The following BMP2K variants were observed in gnomAD, a reference collection of about 807,000 sequenced individuals.
BMP2K encodes BMP2 inducible kinase, also known as BMP-2-inducible protein kinase.
A neutral mutation model predicts 116.0 loss-of-function variants in BMP2K; 74 were observed. That is an observed-to-expected ratio of 0.64 (90% CI 0.53 to 0.77). The LOEUF is 0.77. Among genes scored for constraint, BMP2K ranks in the 30% least tolerant of loss-of-function variants. The pLI, the probability that BMP2K is intolerant of heterozygous loss-of-function variation, is 0.00. For synonymous variants in BMP2K, 486 were observed against 502.5 expected, an observed-to-expected ratio of 0.97 and a Z score of 0.44; for missense variants, 1,365 against 1,403.6, an observed-to-expected ratio of 0.97 and a Z score of 0.44.
chr4:78,828,833 G>A (rs1730008965), intron 2 of BMP2K, among the ~76,000 whole-genome samples: 1 of 152,232 alleles, frequency 6.6e-6, no homozygotes, highest in African/African-American at 2.4e-5. Context: ...CAGTCTTGTT[G>A]CTGGTAGAGG....
chr4:78,844,953 G>A lies in BMP2K; in HGVS notation c.572G>A (p.Gly191Asp). ...LKVENILLND[G>D]GNYVLCDFGS... Reference sequence around the variant, plus strand: ...GTAGAAAATATTTTGTTGAATGATGGTGGGAACTATGTACTTTGTGACTTT... The same window carrying A: ...GTAGAAAATATTTTGTTGAATGATGATGGGAACTATGTACTTTGTGACTTT... The change falls in exon 5 of 16, where the codon GGT becomes GAT. Residue 191 changes from glycine (G) to aspartate (D), a missense_variant. Physicochemically the swap from Gly to Asp is moderately conservative, Grantham distance 94. Around this residue, in one of 3 missense-constraint regions of BMP2K, gnomAD observed 762 missense variants for 756.7 expected, o/e 1.01. Coordinates refer to ENST00000502613, the MANE Select transcript of BMP2K (RefSeq NM_198892.2). 6.3e-7 allele frequency: 1 copy of A among 1,597,816 alleles called. No individual in the cohort carries two copies. Among genetic ancestry groups the A allele is most frequent in the Non-Finnish European group, 8.6e-7 (1 of 1,166,898 alleles).
intron 1 of BMP2K, among the ~76,000 whole-genome samples, chr4:78,806,619 T>C (rs1297081654): frequency 2.6e-5 from 4 of 152,130 alleles, no homozygotes; most frequent in Non-Finnish European, 5.9e-5. Context: ...GACATAAATA[T>C]ATATACCTGC....
chr4:78,814,293 CTAT>C (rs1407384694), intron 1 of BMP2K, among the ~76,000 whole-genome samples: 1 of 152,176 alleles, frequency 6.6e-6, no homozygotes, highest in Non-Finnish European at 1.5e-5. Context: ...CCTTACTGTC[CTAT>C]TATTATCCAT....
intron 7 of BMP2K, among the ~76,000 whole-genome samples, chr4:78,855,099 T>G (rs1023272413): frequency 6.6e-6 from 1 of 152,148 alleles, no homozygotes; most frequent in Non-Finnish European, 1.5e-5. Flanking sequence ...TGGCATTATT[T>G]AGTGCCACTT....
intron 1 of BMP2K, among the ~76,000 whole-genome samples, chr4:78,788,169 T>TGTTAATG: frequency 6.6e-6 from 1 of 152,186 alleles, no homozygotes; most frequent in East Asian, 1.9e-4. Flanking sequence ...TTCCGTTGAA[T>TGTTAATG]GTTAATGGTC....
At chr4:78,868,877 C>G (rs558761922) in intron 10 of BMP2K, among the ~76,000 whole-genome samples, 2 of 152,160 alleles carry the variant, frequency 1.3e-5, no homozygotes, top group Non-Finnish European at 2.9e-5. Context: ...AGTACAGTGT[C>G]TCTCCCGGCG....
intron 6 of BMP2K, 72 bp from the exon 7 acceptor site, chr4:78,850,852 A>T: frequency 6.6e-7 from 1 of 1,525,652 alleles, no homozygotes; most frequent in Non-Finnish European, 8.9e-7. Context: ...TTAAAGTAAC[A>T]TTGAGTTTTT....
chr4:78,868,523 A>T (rs185219662), intron 10 of BMP2K, among the ~76,000 whole-genome samples: 22 of 152,224 alleles, frequency 1.4e-4, no homozygotes, highest in Admixed American at 1.4e-3. Flanking sequence ...AGTCCTCCAA[A>T]GTCATAACTC....
Position 78,911,481 on chromosome 4 carries a change from G to A in BMP2K, c.2934G>A (p.Leu978=). ...QKVKQRSLQK[L]SSRQRRTKQD... is the part of the protein sequence containing the mutation. ...TCAAACAGCGCAGCTTACAGAAACTGTCCTCTCGCCAAAGGCGCACAAAGC... is the reference window on the plus strand; with the variant it reads ...TCAAACAGCGCAGCTTACAGAAACTATCCTCTCGCCAAAGGCGCACAAAGC... Residue 978 remains leucine (L), a synonymous_variant, in exon 16 of 16, where the codon CTG becomes CTA. Coordinates refer to ENST00000502613, the MANE Select transcript of BMP2K (RefSeq NM_198892.2). The A allele has an allele frequency of 5.0e-6, 8 of 1,614,062 alleles. No homozygotes were observed. Among genetic ancestry groups the A allele is most frequent in the Non-Finnish European group, 5.9e-6 (7 of 1,179,902 alleles).
rs759453115 is a variant in BMP2K, at chr4:78,833,616, A to G, written c.332A>G (p.Tyr111Cys). The G allele has an allele frequency of 1.9e-6, 3 of 1,601,662 alleles. No individual in the cohort carries two copies. Among genetic ancestry groups the G allele is most frequent in the South Asian group, 2.3e-5 (2 of 88,042 alleles). The change falls in exon 3 of 16, where the codon TAT becomes TGT. Residue 111 changes from tyrosine (Y) to cysteine (C), a missense_variant. Physicochemically the swap from Tyr to Cys is radical, Grantham distance 194 (BLOSUM62 -2). Coordinates refer to ENST00000502613, the MANE Select transcript of BMP2K (RefSeq NM_198892.2). Reference sequence around the variant, plus strand: ...TCTGGTCACAAAAATATTGTGGGCTATTTGGACTGTGCTGTTAATTCAATT... The same window carrying G: ...TCTGGTCACAAAAATATTGTGGGCTGTTTGGACTGTGCTGTTAATTCAATT... Reference protein sequence around the residue: ...ELSGHKNIVGYLDCAVNSISD... With the variant: ...ELSGHKNIVGCLDCAVNSISD...
intron 14 of BMP2K, chr4:78,879,583 G>A (rs1039864997): frequency 3.6e-6 from 1 of 277,618 alleles, no homozygotes; most frequent in African/African-American, 2.3e-5. Context: ...GGAGCAAAAA[G>A]CTCACTTCTA....
intron 15 of BMP2K, among the ~76,000 whole-genome samples, chr4:78,900,308 TAGC>T (rs1180155568): frequency 6.6e-6 from 1 of 152,252 alleles, no homozygotes; most frequent in African/African-American, 2.4e-5. Flanking sequence ...AGTAGGCTAT[TAGC>T]AGTTAAGTTT....
chr4:78,797,487 G>A lies in BMP2K; in HGVS notation c.178+20766G>A, dbSNP rs570383645. On this transcript the variant is annotated intron_variant, in intron 1 of 15. Coordinates refer to ENST00000502613, the MANE Select transcript of BMP2K (RefSeq NM_198892.2). Reference sequence around the variant, plus strand: ...CCCAGAGATTCAATTCCAGGTTTAGGAAAAGGTCCAGAAAACTTCAGGTTT... The same window carrying A: ...CCCAGAGATTCAATTCCAGGTTTAGAAAAAGGTCCAGAAAACTTCAGGTTT... Among the ~76,000 whole-genome samples, 22 of 152,240 alleles carry A rather than the reference G, an allele frequency of 1.4e-4. No homozygotes were observed. In the South Asian group the frequency reaches 2.3e-3, roughly 16 times the overall value.
At chr4:78,901,582 C>T (rs949153011) in intron 15 of BMP2K, among the ~76,000 whole-genome samples, 2 of 152,144 alleles carry the variant, frequency 1.3e-5, no homozygotes, top group Non-Finnish European at 2.9e-5. Context: ...CTACAGTATA[C>T]TCATAAAAAT....
intron 3 of BMP2K, among the ~76,000 whole-genome samples, chr4:78,836,082 T>A (rs995904638): frequency 1.7e-4 from 26 of 152,106 alleles, no homozygotes; most frequent in African/African-American, 6.3e-4. Flanking sequence ...CCTAATTTTC[T>A]TCATGTATAT....
chr4:78,794,016 G>T (rs1728133538), intron 1 of BMP2K, among the ~76,000 whole-genome samples: 1 of 152,082 alleles, frequency 6.6e-6, no homozygotes, highest in African/African-American at 2.4e-5. Flanking sequence ...TTCGCCTGGG[G>T]TTCATAAACA....
At chr4:78,841,828 C>T (rs535265669) in intron 3 of BMP2K, among the ~76,000 whole-genome samples, 1 of 152,042 alleles carries the variant, frequency 6.6e-6, no homozygotes, top group Non-Finnish European at 1.5e-5. Context: ...TCTCCCAAGT[C>T]TCTGCCTGGT....
At chr4:78,898,944 G>A (rs1733853132) in intron 15 of BMP2K, 1 of 152,196 alleles carries the variant, frequency 6.6e-6, no homozygotes, top group Non-Finnish European at 1.5e-5. Flanking sequence ...GGACTGCAAT[G>A]CACTATGCTG....
chr4:78,890,063 A>G (rs1359847408), intron 15 of BMP2K, among the ~76,000 whole-genome samples: 2 of 152,126 alleles, frequency 1.3e-5, no homozygotes, highest in African/African-American at 4.8e-5. Context: ...ATAGATTAGT[A>G]TATACTTTTT....
Sources: gnomAD v4.1 joint callset for allele counts (sites outside exome capture counted in the v4.1 genomes callset) on GRCh38, gnomAD v4.1.1 for gene constraint, gnomAD v4.1.1 regional missense constraint, MANE v1.5 for transcripts, NCBI Gene and HGNC (gene_info 2026-07-23, HGNC 2026-07-21) for gene names.